NEB: variants seen among roughly 807,000 people sequenced by gnomAD.
NEB encodes nebulin.
In NEB, 512 loss-of-function variants were observed where a neutral mutation model predicts 952.2. The observed-to-expected ratio is 0.54, with a 90% CI of 0.50 to 0.58. The LOEUF is 0.58. Ranked by LOEUF, NEB falls within the 20% of genes least tolerant of loss-of-function variation. NEB has a pLI of 0.00. For missense variants in NEB, 8,428 were observed against 9,231.1 expected, an observed-to-expected ratio of 0.91 and a Z score of 3.56; for synonymous variants, 2,900 against 3,149.8, an observed-to-expected ratio of 0.92 and a Z score of 2.66.
At chr2:151,513,377 A>G (rs2075830078) in intron 160 of NEB, among the ~76,000 whole-genome samples, 3 of 152,204 alleles carry the variant, frequency 2.0e-5, no homozygotes, top group East Asian at 3.8e-4. Flanking sequence ...CCCAGAGCCT[A>G]TAGACTTAGA....
intron 70 of NEB, among the ~76,000 whole-genome samples, chr2:151,626,542 CTT>C (rs1311026671): frequency 6.9e-6 from 1 of 145,572 alleles, no homozygotes; most frequent in African/African-American, 2.5e-5. Flanking sequence ...CTGTCCCATT[CTT>C]TTTTTTTTTT....
chr2:151,656,354 A>C lies in NEB; in HGVS notation c.6294T>G (p.Ser2098=). ...VHSMQVAKMQ[S]DREYKKNYEN... is the part of the protein sequence containing the mutation. The stretch of plus-strand genomic sequence containing the variant: ...CATAGTTTTTCTTGTACTCCCGATC[A>C]GATTGCATCTTAGCCACTTGCATGG... The change falls in exon 49 of 182, where the codon TCT becomes TCG. Residue 2098 remains serine (S), a synonymous_variant. Coordinates refer to ENST00000397345, the MANE Select transcript of NEB (RefSeq NM_001164508.2). 6.2e-7 allele frequency: 1 copy of C among 1,613,706 alleles called. No homozygotes were observed. The highest frequency in any genetic ancestry group is 8.5e-7 in the Non-Finnish European group (1 of 1,179,728).
intron 164 of NEB, among the ~76,000 whole-genome samples, chr2:151,505,793 G>A (rs1228438118): frequency 1.3e-5 from 2 of 152,194 alleles, no homozygotes; most frequent in Non-Finnish European, 2.9e-5. Context: ...CTTTGGGGCA[G>A]GGATGGGGGC....
At position 151,614,547 on chromosome 2, in the gene NEB, T is replaced by C; in HGVS notation, c.11330A>G (p.His3777Arg). The change falls in exon 77 of 182, where the codon CAT becomes CGT. Residue 3777 changes from histidine to arginine, a missense_variant. Physicochemically the swap from His to Arg is conservative, Grantham distance 29. Around this residue, in one of 11 missense-constraint regions of NEB, gnomAD observed 1,772 missense variants for 1,960.3 expected, o/e 0.90. Coordinates refer to ENST00000397345, the MANE Select transcript of NEB (RefSeq NM_001164508.2). ...ATCCTTAATGTTCCGGGCCCCAATA[T>C]GGTGGCCAAGCTGTTTGCGGTAGCC... ...KEGYRKQLGH[H>R]IGARNIKDDP... The C allele has an allele frequency of 3.1e-6, 5 of 1,613,882 alleles. No homozygotes were observed. Among genetic ancestry groups the C allele is most frequent in the Non-Finnish European group, 4.2e-6 (5 of 1,179,820 alleles).
intron 28 of NEB, among the ~76,000 whole-genome samples, chr2:151,683,739 G>A (rs1406976474): frequency 1.3e-5 from 2 of 152,128 alleles, no homozygotes; most frequent in Non-Finnish European, 2.9e-5. Flanking sequence ...ATCGAAAGCA[G>A]GATCTCAAAG....
In NEB at chr2:151,485,380, T is replaced by TA. The variant is rs2049575266; in HGVS notation, c.*379_*380insT. 6.2e-6 allele frequency: 1 copy of TA among 160,742 alleles called. No homozygotes were observed. 10.0% of individuals were successfully genotyped at this position (160,742 alleles called of 1,614,324 possible). On this transcript the variant is annotated 3_prime_UTR_variant, in exon 182 of 182. Transcript: ENST00000397345. Reference sequence around the variant, plus strand: ...TTTATTAGTTGCTGGTTTGTATTGATTATAAGTTTATAACTTCAGAACTGA... The same window carrying TA: ...TTTATTAGTTGCTGGTTTGTATTGATATATAAGTTTATAACTTCAGAACTGA...
At chr2:151,626,065 G>C (rs764860198) in intron 70 of NEB, among the ~76,000 whole-genome samples, 1 of 150,818 alleles carries the variant, frequency 6.6e-6, no homozygotes, top group Non-Finnish European at 1.5e-5. Flanking sequence ...ACCTGTATGT[G>C]CTATCTCTAG....
intron 105 of NEB, among the ~76,000 whole-genome samples, chr2:151,577,068 T>C (rs1348476340): frequency 6.6e-6 from 1 of 152,330 alleles, no homozygotes; most frequent in East Asian, 1.9e-4. Context: ...CCATTACCAA[T>C]GCAGACTTTA....
chr2:151,512,987 A>G, intron 160 of NEB, 150 bp from the exon 161 acceptor site: 2 of 640,712 alleles, frequency 3.1e-6, no homozygotes, highest in South Asian at 1.9e-5. Context: ...TTTTGTTCAT[A>G]GTTTTATACC....
chr2:151,610,515 C>G lies in NEB; in HGVS notation c.12018+1G>C. ...CAGAGAGTTAGATGGAAGGTACTCACGTCACTGGCGATGTCCCTGGAGGCC... is the reference window on the plus strand; with the variant it reads ...CAGAGAGTTAGATGGAAGGTACTCAGGTCACTGGCGATGTCCCTGGAGGCC... On this transcript the variant is annotated splice_donor_variant, in intron 80 of 181. Transcript: ENST00000397345. LOFTEE classifies it high-confidence loss of function. 2 of 1,601,334 alleles carry G rather than the reference C, an allele frequency of 1.2e-6. No individual in the cohort carries two copies. Among genetic ancestry groups the G allele is most frequent in the Non-Finnish European group, 1.7e-6 (2 of 1,168,530 alleles).
Position 151,514,512 on chromosome 2 carries a change from C to G in NEB, c.23017-84G>C, listed in dbSNP as rs529135164. Reference sequence around the variant, plus strand: ...GCAAAGAAGAAAATAAAAAACAATTCCAATTTTTAAAGGGTTCACAGTTTA... The same window carrying G: ...GCAAAGAAGAAAATAAAAAACAATTGCAATTTTTAAAGGGTTCACAGTTTA... On this transcript the variant is annotated intron_variant, in intron 158 of 181. Coordinates refer to ENST00000397345, the MANE Select transcript of NEB (RefSeq NM_001164508.2). The G allele has an allele frequency of 2.4e-5, 27 of 1,135,430 alleles. No individual in the cohort carries two copies. The South Asian group carries it at 3.0e-4, about 13-fold the overall frequency. 70.3% of individuals were successfully genotyped at this position (1,135,430 alleles called of 1,614,324 possible).
chr2:151,651,799 T>G (rs1184739354), intron 52 of NEB, among the ~76,000 whole-genome samples: 2 of 152,322 alleles, frequency 1.3e-5, no homozygotes, highest in East Asian at 3.9e-4. Flanking sequence ...TATAAAATAT[T>G]CAGGAGTTTA....
In NEB at chr2:151,642,869, G is replaced by T. The variant is rs570763682; in HGVS notation, c.8161C>A (p.Arg2721Ser). ...AKNNAITMNHRLYTEAWDKDK... is the reference protein window; with the variant it reads ...AKNNAITMNHSLYTEAWDKDK... ...TTATCCCAAGCTTCTGTATAGAGGC[G>T]CTAAGAGAAACAGAAAAACATGACT... The change falls in exon 59 of 182, where the codon CGC (arginine) becomes AGC (serine). Residue 2721 changes from arginine to serine, a missense_variant and splice_region_variant. Physicochemically the swap from Arg to Ser is moderately radical, Grantham distance 110. This residue lies in a region of NEB where 1,772 missense variants were observed against 1,960.3 expected (regional missense o/e 0.90). Coordinates refer to ENST00000397345, the MANE Select transcript of NEB (RefSeq NM_001164508.2). 1.3e-5 allele frequency: 21 copies of T among 1,599,494 alleles called. No homozygotes were observed. In the African/African-American group the frequency reaches 2.1e-4, roughly 16 times the overall value.
intron 10 of NEB, among the ~76,000 whole-genome samples, chr2:151,714,770 A>G (rs969645677): frequency 3.9e-5 from 6 of 152,172 alleles, no homozygotes; most frequent in African/African-American, 1.4e-4. Flanking sequence ...GGGTAGATAA[A>G]GGAGATTTTT....
intron 105 of NEB, among the ~76,000 whole-genome samples, chr2:151,578,459 A>T (rs2096961474): frequency 6.6e-6 from 1 of 151,598 alleles, no homozygotes. Context: ...CAGGGGTTTG[A>T]GACCAGCCTG....
intron 52 of NEB, among the ~76,000 whole-genome samples, 190 bp downstream of exon 52, chr2:151,653,802 T>C (rs1476635301): frequency 6.6e-6 from 1 of 152,172 alleles, no homozygotes; most frequent in Non-Finnish European, 1.5e-5. Context: ...CCGACCTCTA[T>C]TCAGGAAGCC....
At position 151,732,968 on chromosome 2, in the gene NEB, G is replaced by A. The variant is rs560218553; in HGVS notation, c.36+153C>T. Reference sequence around the variant, plus strand: ...AATCCCACATAATTATAGTGAAACTGAACATAAAATATTCCTTTCTTATGC... The same window carrying A: ...AATCCCACATAATTATAGTGAAACTAAACATAAAATATTCCTTTCTTATGC... On this transcript the variant is annotated intron_variant, in intron 3 of 181. Coordinates refer to ENST00000397345, the MANE Select transcript of NEB (RefSeq NM_001164508.2). 2.0e-5 allele frequency among the ~76,000 whole-genome samples: 3 copies of A among 152,270 alleles called. No homozygotes were observed. The South Asian group carries it at 6.2e-4, about 32-fold the overall frequency.
chr2:151,694,369 TC>T lies in NEB; in HGVS notation c.1849del (p.Asp617IlefsTer8), dbSNP rs755531536. On this transcript the variant is annotated frameshift_variant, in exon 20 of 182. Coordinates refer to ENST00000397345, the MANE Select transcript of NEB (RefSeq NM_001164508.2). LOFTEE classifies it high-confidence loss of function. ...KMIGVLSIND[D>X]PKMLHSLKVA... ...CTTCAAGGAGTGCAGCATCTTGGGA[TC>T]GTCATTAATGCTGAGGACTCCAATC... is the stretch of plus-strand genomic sequence containing the variant. 6.2e-7 allele frequency: 1 copy of T among 1,613,912 alleles called. No individual in the cohort carries two copies. The highest frequency in any genetic ancestry group is 1.3e-5 in the African/African-American group (1 of 74,926).
At chr2:151,562,570 G>T in intron 120 of NEB, 41 bp downstream of exon 120, 1 of 1,507,808 alleles carries the variant, frequency 6.6e-7, no homozygotes, top group South Asian at 1.4e-5. Flanking sequence ...ACACAGTCAT[G>T]GAAGCTGTAG....
Sources: allele counts gnomAD v4.1 joint callset (sites outside exome capture counted in the v4.1 genomes callset), GRCh38; gene constraint gnomAD v4.1.1; regional missense constraint gnomAD v4.1.1; transcripts MANE v1.5; gene names NCBI Gene and HGNC (gene_info 2026-07-23, HGNC 2026-07-21).